SEMA6D: variants seen among roughly 807,000 people sequenced by gnomAD.
SEMA6D encodes the protein semaphorin-6D.
In SEMA6D, 35 loss-of-function variants were observed where a neutral mutation model predicts 106.6. That is an observed-to-expected ratio of 0.33 (90% CI 0.25 to 0.44). The LOEUF is 0.44. SEMA6D is among the 20% of genes least tolerant of loss of function. The pLI, the probability that SEMA6D is intolerant of heterozygous loss-of-function variation, is 1.00. For synonymous variants in SEMA6D, 499 were observed against 487.7 expected (o/e 1.02, Z -0.31); for missense variants, 1,185 against 1,345.9 (o/e 0.88, Z 1.87).
intron 1 of SEMA6D, among the ~76,000 whole-genome samples, chr15:47,213,374 C>T (rs1052599035): frequency 6.6e-6 from 1 of 152,066 alleles, no homozygotes; most frequent in Non-Finnish European, 1.5e-5. Context: ...TTGAAATAAC[C>T]ACAGATGACC....
At chr15:47,718,300 G>A (rs905514338) in intron 1 of SEMA6D, among the ~76,000 whole-genome samples, 64 of 152,196 alleles carry the variant, frequency 4.2e-4, no homozygotes, top group African/African-American at 1.5e-3. Flanking sequence ...CTAGGAGCGG[G>A]CGGGCGAGCA....
chr15:47,516,496 A>C (rs1001772828), intron 3 of SEMA6D, among the ~76,000 whole-genome samples: 6 of 152,276 alleles, frequency 3.9e-5, no homozygotes, highest in African/African-American at 1.4e-4. Context: ...ACAAAAGCCT[A>C]ATTTATTATC....
At chr15:47,374,573 G>C (rs997819040) in intron 1 of SEMA6D, among the ~76,000 whole-genome samples, 3 of 152,100 alleles carry the variant, frequency 2.0e-5, no homozygotes, top group African/African-American at 7.2e-5. Context: ...CCCTGTGAAG[G>C]CTAGTTGTCA....
intron 17 of SEMA6D, chr15:47,767,351 T>A (rs1424226147): frequency 3.2e-6 from 1 of 315,400 alleles, no homozygotes; most frequent in Non-Finnish European, 5.8e-6. Flanking sequence ...GCATTCCAGC[T>A]GCACGCACGC....
chr15:47,707,215 T>C (rs937921647), intron 4 of SEMA6D, among the ~76,000 whole-genome samples: 16 of 152,220 alleles, frequency 1.1e-4, no homozygotes, highest in African/African-American at 3.9e-4. Context: ...CTGAATTGTG[T>C]TTCCCTAAGT....
At chr15:47,521,296 G>A (rs537898961) in intron 3 of SEMA6D, among the ~76,000 whole-genome samples, 1 of 152,170 alleles carries the variant, frequency 6.6e-6, no homozygotes, top group African/African-American at 2.4e-5. Context: ...GGAAGCATCA[G>A]GCTCCACGGA....
chr15:47,583,110 C>T (rs1199766286), intron 3 of SEMA6D, among the ~76,000 whole-genome samples: 5 of 152,118 alleles, frequency 3.3e-5, no homozygotes, highest in African/African-American at 1.2e-4. Context: ...TGGACCTCCT[C>T]CTAGGATGTA....
chr15:47,464,725 A>ACT (rs980397055), intron 2 of SEMA6D, among the ~76,000 whole-genome samples: 5 of 151,712 alleles, frequency 3.3e-5, no homozygotes, highest in East Asian at 1.9e-4. Context: ...AAATGGAAAG[A>ACT]CTCTCTCTCT....
chr15:47,518,449 G>A (rs2044460109), intron 3 of SEMA6D, among the ~76,000 whole-genome samples: 2 of 152,140 alleles, frequency 1.3e-5, no homozygotes, highest in South Asian at 4.1e-4. Flanking sequence ...TGTGGTATTA[G>A]GTGATTTTGT....
At chr15:47,266,007 T>A (rs911521546) in intron 1 of SEMA6D, among the ~76,000 whole-genome samples, 33 of 152,108 alleles carry the variant, frequency 2.2e-4, no homozygotes, top group African/African-American at 8.0e-4. Flanking sequence ...TGTCTGGAAA[T>A]GTCCTAAGGC....
intron 3 of SEMA6D, among the ~76,000 whole-genome samples, chr15:47,560,123 C>G (rs1435751): frequency 0.017 from 2,536 of 151,726 alleles, 70 homozygotes; most frequent in African/African-American, 0.058. Context: ...AAATCAGAAC[C>G]CAGAGTTGCT....
At chr15:47,647,636 C>T (rs1012229796) in intron 4 of SEMA6D, among the ~76,000 whole-genome samples, 4 of 151,320 alleles carry the variant, frequency 2.6e-5, no homozygotes, top group Admixed American at 2.6e-4. Context: ...ACTAAATTCG[C>T]ATATTTTGAC....
chr15:47,749,026 G>T (rs1596975876), intron 1 of SEMA6D, among the ~76,000 whole-genome samples: 1 of 54,366 alleles, frequency 1.8e-5, no homozygotes. Context: ...TGCCTGAGAA[G>T]AACATGAAAA....
chr15:47,391,641 G>A (rs2040036400), intron 1 of SEMA6D, among the ~76,000 whole-genome samples: 1 of 148,816 alleles, frequency 6.7e-6, no homozygotes, highest in Non-Finnish European at 1.5e-5. Context: ...TGAAATTTAG[G>A]GACAGAAACA....
chr15:47,329,230 C>G (rs1289035554), intron 1 of SEMA6D, among the ~76,000 whole-genome samples: 1 of 152,154 alleles, frequency 6.6e-6, no homozygotes, highest in Non-Finnish European at 1.5e-5. Flanking sequence ...CTGCAGGATG[C>G]TTGTGCAGCA....
intron 1 of SEMA6D, among the ~76,000 whole-genome samples, chr15:47,271,196 A>C (rs1320032033): frequency 1.3e-5 from 2 of 152,226 alleles, no homozygotes; most frequent in Admixed American, 6.5e-5. Flanking sequence ...GCAGTGGAAG[A>C]TTAAGCAGAT....
intron 1 of SEMA6D, among the ~76,000 whole-genome samples, chr15:47,304,825 T>G (rs1329514550): frequency 1.3e-5 from 2 of 152,182 alleles, no homozygotes; most frequent in Non-Finnish European, 2.9e-5. Context: ...GTGGACTGAT[T>G]ATGTGAAATG....
At chr15:47,753,579 A>T (rs184456229) in intron 1 of SEMA6D, among the ~76,000 whole-genome samples, 2 of 152,250 alleles carry the variant, frequency 1.3e-5, no homozygotes, top group Non-Finnish European at 2.9e-5. Flanking sequence ...GTAGAGCAGT[A>T]TGAGCAAGCT....
At chr15:47,530,483 G>A (rs946464347) in intron 3 of SEMA6D, among the ~76,000 whole-genome samples, 4 of 152,088 alleles carry the variant, frequency 2.6e-5, no homozygotes, top group Admixed American at 6.6e-5. Context: ...AAATATATAC[G>A]TAAACTCAAA....
Sources: gnomAD v4.1 joint callset for allele counts (sites outside exome capture counted in the v4.1 genomes callset) on GRCh38, gnomAD v4.1.1 for gene constraint, MANE v1.5 for transcripts, NCBI Gene and HGNC (gene_info 2026-07-23, HGNC 2026-07-21) for gene names.